The following CNTN4 variants were observed in gnomAD, a reference collection of about 807,000 sequenced individuals.
CNTN4 encodes contactin-4.
CNTN4 carries 77 observed loss-of-function variants against 122.5 expected under a neutral mutation model. The ratio of observed to expected loss-of-function variants is 0.63; its 90% CI spans 0.52 to 0.76. The LOEUF (loss-of-function observed/expected upper bound fraction) is 0.76. Ranked by LOEUF, CNTN4 falls within the 30% of genes least tolerant of loss-of-function variation. The pLI is 0.00. For synonymous variants in CNTN4, 512 were observed against 447.0 expected, an observed-to-expected ratio of 1.15 and a Z score of -1.83; for missense variants, 1,256 against 1,259.1, an observed-to-expected ratio of 1.00 and a Z score of 0.04.
At chr3:2,354,984 G>C (rs908319318) in intron 3 of CNTN4, among the ~76,000 whole-genome samples, 2 of 152,228 alleles carry the variant, frequency 1.3e-5, no homozygotes, top group East Asian at 3.9e-4. Flanking sequence ...GGGAGAATAA[G>C]TGAGTCATAG....
chr3:2,620,216 C>A lies in CNTN4; in HGVS notation c.55+48658C>A, dbSNP rs566226252. On this transcript the variant is annotated intron_variant, in intron 4 of 24. Coordinates refer to ENST00000418658, the MANE Select transcript of CNTN4 (RefSeq NM_175607.3). ...TGGTTTTGAATTTAAGATAGGCATT[C>A]AGGCTGGAGGCAGGGGCTCACACCT... 1.1e-3 allele frequency among the ~76,000 whole-genome samples: 160 copies of A among 152,270 alleles called. 1 individual carries two copies. Among genetic ancestry groups the A allele is most frequent in the African/African-American group, 2.9e-3 (121 of 41,556 alleles).
At chr3:3,023,353 C>A (rs1179493880) in intron 14 of CNTN4, among the ~76,000 whole-genome samples, 1 of 152,170 alleles carries the variant, frequency 6.6e-6, no homozygotes. Context: ...GTCAGCACAA[C>A]AACTGCACCA....
rs1449135953 is a variant in CNTN4 at position 2,385,157 on chromosome 3, T to C, written c.-89+45924T>C. 1.3e-5 allele frequency among the ~76,000 whole-genome samples: 2 copies of C among 152,182 alleles called. No homozygotes were observed. The highest frequency in any genetic ancestry group is 4.8e-5 in the African/African-American group (2 of 41,454). ...TATCATTTTCTACTTTAAACCATAA[T>C]CCATAACTCATATCAACAAGGTTAA... On this transcript the variant is annotated intron_variant, in intron 3 of 24. Coordinates refer to ENST00000418658, the MANE Select transcript of CNTN4 (RefSeq NM_175607.3). This position sits in a 1 kb window ranked among gnomAD's most constrained non-coding sequence, Gnocchi z 4.0.
At chr3:2,936,890 A>G (rs57997448) in intron 13 of CNTN4, among the ~76,000 whole-genome samples, 4,280 of 152,270 alleles carry the variant, frequency 0.028, 213 homozygotes, top group African/African-American at 0.097. Context: ...ACTGGACAGG[A>G]CACAGCCATA....
intron 6 of CNTN4, among the ~76,000 whole-genome samples, chr3:2,746,090 C>CAT: frequency 2.5e-5 from 1 of 40,376 alleles, no homozygotes; most frequent in Admixed American, 2.4e-4. Flanking sequence ...AAATTTTACA[C>CAT]ACACACACAC....
chr3:2,961,080 A>T (rs1183190078), intron 13 of CNTN4, among the ~76,000 whole-genome samples: 1 of 141,074 alleles, frequency 7.1e-6, no homozygotes. Context: ...AATACAAAAA[A>T]TTAGCCGGGC....
At chr3:2,279,348 G>T (rs1403632) in intron 2 of CNTN4, among the ~76,000 whole-genome samples, 92,269 of 151,950 alleles carry the variant, frequency 0.61, 28,991 homozygotes, top group South Asian at 0.74. Flanking sequence ...ATATGCCCTG[G>T]GATATAATGC....
chr3:2,168,678 C>T (rs1020741652), intron 2 of CNTN4, among the ~76,000 whole-genome samples: 1 of 151,892 alleles, frequency 6.6e-6, no homozygotes, highest in African/African-American at 2.4e-5. Flanking sequence ...CTTGTAAAAT[C>T]AACAAAGCTT....
At chr3:2,985,992 G>T (rs1409257436) in intron 13 of CNTN4, among the ~76,000 whole-genome samples, 1 of 143,964 alleles carries the variant, frequency 6.9e-6, no homozygotes, top group Non-Finnish European at 1.5e-5. Flanking sequence ...TCGGCTCACT[G>T]CAACCTCCAC....
chr3:2,301,232 T>C, intron 2 of CNTN4, among the ~76,000 whole-genome samples: 1 of 151,620 alleles, frequency 6.6e-6, no homozygotes, highest in East Asian at 1.9e-4. Context: ...ACACGCTAAT[T>C]ACTTCTGTGA....
At chr3:2,977,013 C>T (rs1354100603) in intron 13 of CNTN4, among the ~76,000 whole-genome samples, 2 of 152,170 alleles carry the variant, frequency 1.3e-5, no homozygotes, top group Admixed American at 6.5e-5. Flanking sequence ...TGTACTGTAT[C>T]CGTATGTCAG....
intron 7 of CNTN4, among the ~76,000 whole-genome samples, chr3:2,823,423 G>T (rs973780116): frequency 1.3e-5 from 2 of 152,184 alleles, no homozygotes; most frequent in Non-Finnish European, 2.9e-5. Flanking sequence ...TCAGTCAGCA[G>T]GTATTTCCAG....
chr3:2,302,741 A>T (rs1397698473), intron 2 of CNTN4, among the ~76,000 whole-genome samples: 1 of 152,180 alleles, frequency 6.6e-6, no homozygotes, highest in Non-Finnish European at 1.5e-5. Context: ...TGCTAAGGTG[A>T]TATTGATCAC....
At chr3:2,278,543 G>A (rs754289949) in intron 2 of CNTN4, among the ~76,000 whole-genome samples, 1 of 152,194 alleles carries the variant, frequency 6.6e-6, no homozygotes, top group East Asian at 1.9e-4. Flanking sequence ...TGGAGAAGCA[G>A]TCATGCTTAG....
At chr3:2,492,096 AAAT>A (rs1575759799) in intron 3 of CNTN4, among the ~76,000 whole-genome samples, 1 of 152,180 alleles carries the variant, frequency 6.6e-6, no homozygotes, top group East Asian at 1.9e-4. Flanking sequence ...TAATAACTCG[AAAT>A]AATAATAATA....
At chr3:2,306,058 T>C (rs2042693990) in intron 2 of CNTN4, among the ~76,000 whole-genome samples, 1 of 152,192 alleles carries the variant, frequency 6.6e-6, no homozygotes, top group Non-Finnish European at 1.5e-5. Flanking sequence ...GGGGTTGTTT[T>C]TATTTTTTGT....
intron 2 of CNTN4, among the ~76,000 whole-genome samples, chr3:2,218,487 A>T (rs2038936779): frequency 6.6e-6 from 1 of 152,168 alleles, no homozygotes; most frequent in African/African-American, 2.4e-5. Flanking sequence ...ACCTGTGAAT[A>T]GTCACCACAT....
At chr3:2,991,346 GA>G (rs145262146) in intron 14 of CNTN4, among the ~76,000 whole-genome samples, 5 of 152,302 alleles carry the variant, frequency 3.3e-5, no homozygotes, top group African/African-American at 1.2e-4. Flanking sequence ...TTGACAGGTA[GA>G]ATTCATGTGT....
chr3:2,167,975 A>C (rs1279262120), intron 2 of CNTN4, among the ~76,000 whole-genome samples: 1 of 152,150 alleles, frequency 6.6e-6, no homozygotes, highest in Non-Finnish European at 1.5e-5. Flanking sequence ...CCATCTCTAC[A>C]AAAAATTTTA....
Sources: gnomAD v4.1 joint callset for allele counts (sites outside exome capture counted in the v4.1 genomes callset) on GRCh38, gnomAD v4.1.1 for gene constraint, Gnocchi (gnomAD v3.1) non-coding constraint, MANE v1.5 for transcripts, NCBI Gene and HGNC (gene_info 2026-07-23, HGNC 2026-07-21) for gene names.